Variants in ADGRF5 observed in about 807,000 individuals in gnomAD.
ADGRF5 encodes G-protein coupled receptor 116.
A neutral mutation model predicts 132.3 loss-of-function variants in ADGRF5; 75 were observed. The ratio of observed to expected loss-of-function variants is 0.57; its 90% confidence interval spans 0.47 to 0.69. The LOEUF is 0.69. Ranked by LOEUF, ADGRF5 falls within the 30% of genes least tolerant of loss-of-function variation. The pLI is 0.00. For synonymous variants in ADGRF5, 629 were observed against 597.6 expected (o/e 1.05, Z -0.77); for missense variants, 1,516 against 1,630.6 (o/e 0.93, Z 1.21).
chr6:46,923,181 C>T (rs528361024), upstream of ADGRF5, among the ~76,000 whole-genome samples: 3 of 152,350 alleles, frequency 2.0e-5, no homozygotes, highest in East Asian at 5.8e-4. Flanking sequence ...CAGCCTCGGC[C>T]TCCCAAAGTG....
At chr6:46,889,901 TACTC>T (rs1419746299) in intron 3 of ADGRF5, among the ~76,000 whole-genome samples, 1 of 151,740 alleles carries the variant, frequency 6.6e-6, no homozygotes, top group Non-Finnish European at 1.5e-5. Flanking sequence ...TAGCCTTACT[TACTC>T]CATCTGGCAA....
chr6:46,902,292 T>C (rs1235527219), intron 2 of ADGRF5, among the ~76,000 whole-genome samples: 1 of 152,148 alleles, frequency 6.6e-6, no homozygotes, highest in Non-Finnish European at 1.5e-5. Flanking sequence ...GCTTTCTCTG[T>C]CCACACTTCA....
intron 3 of ADGRF5, among the ~76,000 whole-genome samples, chr6:46,894,362 T>C (rs1465731897): frequency 2.0e-5 from 3 of 152,204 alleles, no homozygotes; most frequent in African/African-American, 4.8e-5. Context: ...CCCAAGGCTA[T>C]GGGCTACCTG....
chr6:46,942,552 T>C (rs1238447474), intron 1 of ADGRF5, among the ~76,000 whole-genome samples: 1 of 152,208 alleles, frequency 6.6e-6, no homozygotes, highest in African/African-American at 2.4e-5. Context: ...AATTTTCTCA[T>C]ATTAAAGGAA....
intron 11 of ADGRF5, among the ~76,000 whole-genome samples, chr6:46,870,005 G>A (rs1010952228): frequency 6.6e-6 from 1 of 151,862 alleles, no homozygotes; most frequent in African/African-American, 2.4e-5. Flanking sequence ...CACTATTTTT[G>A]TCTAACTGTG....
At chr6:46,922,600 A>G (rs773691893), upstream of ADGRF5, among the ~76,000 whole-genome samples, 3 of 152,224 alleles carry the variant, frequency 2.0e-5, no homozygotes, top group Non-Finnish European at 4.4e-5. Flanking sequence ...TTTGAACTGG[A>G]AGTGACCTCA....
At position 46,866,922 on chromosome 6, in the gene ADGRF5, T is replaced by C. The variant is rs1770515272; in HGVS notation, c.1834+3A>G. ...CCTAACAATTCAGCAATCAGCATCTTACCAGCAGGAAGGGATGAGGAACCC... is the reference window on the plus strand; with the variant it reads ...CCTAACAATTCAGCAATCAGCATCTCACCAGCAGGAAGGGATGAGGAACCC... On this transcript the variant is annotated splice_donor_region_variant and intron_variant, in intron 13 of 20. Transcript: ENST00000283296. 6.4e-7 allele frequency: 1 copy of C among 1,569,140 alleles called. No homozygotes were observed. Among genetic ancestry groups the C allele is most frequent in the South Asian group, 1.1e-5 (1 of 90,080 alleles).
At chr6:46,899,993 C>T (rs766912574) in intron 3 of ADGRF5, 36 bp downstream of exon 3, 1 of 1,488,832 alleles carries the variant, frequency 6.7e-7, no homozygotes. Flanking sequence ...TTTGAGTCAA[C>T]TTATAAAAGG....
chr6:46,930,460 C>T (rs1777500957), intron 1 of ADGRF5, among the ~76,000 whole-genome samples: 1 of 152,092 alleles, frequency 6.6e-6, no homozygotes, highest in Non-Finnish European at 1.5e-5. Context: ...TTTAAACCAG[C>T]AGTTAAAGAT....
At chr6:46,887,766 G>T (rs560747258) in intron 4 of ADGRF5, among the ~76,000 whole-genome samples, 3 of 152,200 alleles carry the variant, frequency 2.0e-5, no homozygotes, top group Admixed American at 6.5e-5. Context: ...CAAGTCTTGG[G>T]TGATGGTTTC....
chr6:46,904,245 A>G (rs1437953188), intron 2 of ADGRF5, among the ~76,000 whole-genome samples: 1 of 152,226 alleles, frequency 6.6e-6, no homozygotes, highest in African/African-American at 2.4e-5. Flanking sequence ...CCACATGTGT[A>G]TATTCACGTT....
chr6:46,883,732 T>C, intron 5 of ADGRF5, 67 bp from the exon 6 acceptor site: 1 of 856,746 alleles, frequency 1.2e-6, no homozygotes, highest in South Asian at 1.7e-5. Context: ...ACCAGAAACA[T>C]TTGTAAGCTG....
intron 1 of ADGRF5, among the ~76,000 whole-genome samples, chr6:46,936,215 A>G (rs1315252287): frequency 6.6e-6 from 1 of 152,148 alleles, no homozygotes; most frequent in Non-Finnish European, 1.5e-5. Context: ...TGGAATCCAG[A>G]GCTGCCCCAT....
At chr6:46,888,528 C>T in intron 3 of ADGRF5, 23 bp from the exon 4 acceptor site, 1 of 1,548,298 alleles carries the variant, frequency 6.5e-7, no homozygotes. Context: ...CACATGAAGG[C>T]TGAGAGAACT....
chr6:46,938,875 G>A (rs2150941627), intron 1 of ADGRF5, among the ~76,000 whole-genome samples: 1 of 74,900 alleles, frequency 1.3e-5, no homozygotes, highest in East Asian at 4.9e-4. Flanking sequence ...CTACTTTTCT[G>A]ATTTTTTTTT....
intron 3 of ADGRF5, among the ~76,000 whole-genome samples, chr6:46,895,916 C>G (rs1360569614): frequency 1.3e-5 from 2 of 152,046 alleles, no homozygotes; most frequent in Admixed American, 1.3e-4. Flanking sequence ...CCTGTGACCT[C>G]CCCAAAGCAC....
chr6:46,944,124 G>A (rs563720692), intron 1 of ADGRF5, among the ~76,000 whole-genome samples: 107 of 152,322 alleles, frequency 7.0e-4, no homozygotes, highest in African/African-American at 2.4e-3. Flanking sequence ...CCAGGGACTG[G>A]TTTCATGGAA....
chr6:46,903,125 A>G (rs1774942724), intron 2 of ADGRF5, among the ~76,000 whole-genome samples: 1 of 152,092 alleles, frequency 6.6e-6, no homozygotes, highest in African/African-American at 2.4e-5. Flanking sequence ...TACCATCCTG[A>G]GTCCTCATGT....
intron 14 of ADGRF5, 159 bp from the exon 15 acceptor site, chr6:46,863,255 A>AT (rs1484202894): frequency 7.0e-6 from 5 of 710,392 alleles, no homozygotes; most frequent in Middle Eastern, 4.6e-4. Context: ...TTTGCCCTTG[A>AT]TTTTCCAAAG....
Sources: allele counts gnomAD v4.1 joint callset (sites outside exome capture counted in the v4.1 genomes callset), GRCh38; gene constraint gnomAD v4.1.1; transcripts MANE v1.5; gene names NCBI Gene and HGNC (gene_info 2026-07-23, HGNC 2026-07-21).